Variants in SNED1 observed in about 807,000 individuals in gnomAD.
SNED1 encodes sushi, nidogen and EGF like domains 1.
A neutral mutation model predicts 166.7 loss-of-function variants in SNED1; 81 were observed. The observed-to-expected ratio is 0.49, with a 90% CI of 0.41 to 0.58. SNED1 has a LOEUF of 0.58. SNED1 is among the 20% of genes least tolerant of loss of function. The pLI is 0.00. For synonymous variants in SNED1, 762 were observed against 822.0 expected, an observed-to-expected ratio of 0.93 and a Z score of 1.25; for missense variants, 1,604 against 2,000.2, an observed-to-expected ratio of 0.80 and a Z score of 3.78.
At chr2:241,077,015 C>A (rs1319792157) in intron 27 of SNED1, among the ~76,000 whole-genome samples, 7 of 151,102 alleles carry the variant, frequency 4.6e-5, no homozygotes, top group Non-Finnish European at 1.5e-5. Context: ...GGAGGTGGAG[C>A]TTGCAGTGAG....
In SNED1 at chr2:241,002,984, G is replaced by A. The variant is rs78938833; in HGVS notation, c.213+3934G>A. On this transcript the variant is annotated intron_variant, in intron 1 of 31. Transcript: ENST00000310397. Reference sequence around the variant, plus strand: ...TGGACACCTGCAGCACCCCCTTGCTGACCTCCAGCTCTTGGCCTTTCCCTC... The same window carrying A: ...TGGACACCTGCAGCACCCCCTTGCTAACCTCCAGCTCTTGGCCTTTCCCTC... Among the ~76,000 whole-genome samples, 1,430 of 152,020 alleles carry A rather than the reference G, an allele frequency of 9.4e-3. 11 individuals carry two copies. Among genetic ancestry groups the A allele is most frequent in the African/African-American group, 0.025 (1,052 of 41,482 alleles).
Position 241,069,090 on chromosome 2 carries a change from G to C in SNED1, c.3307+67G>C. 9.1e-7 allele frequency: 1 copy of C among 1,101,274 alleles called. No individual in the cohort carries two copies. The highest frequency in any genetic ancestry group is 1.5e-5 in the South Asian group (1 of 68,346). The allele number at this position is 1,101,274 out of a possible 1,614,324, so 68.2% of individuals were successfully genotyped here. A position where few individuals can be genotyped will look rare whatever the true frequency, so the allele number is the denominator to read the frequency against. ...TTCTAGAAGCTCTGGCTTCCTTCCA[G>C]CCTCCCCTAGTCCTCTCCAAAGCGT... On this transcript the variant is annotated intron_variant, in intron 23 of 31. Coordinates refer to ENST00000310397, the MANE Select transcript of SNED1 (RefSeq NM_001080437.3). This position sits in a 1 kb window ranked among gnomAD's most constrained non-coding sequence, Gnocchi z 4.9.
At chr2:241,032,490 G>C (rs949283034) in intron 2 of SNED1, among the ~76,000 whole-genome samples, 1 of 150,552 alleles carries the variant, frequency 6.6e-6, no homozygotes, top group African/African-American at 2.4e-5. Flanking sequence ...GTCGTGGGGT[G>C]GGGGGGTCGG....
chr2:241,008,669 G>C (rs2060295302), intron 1 of SNED1, among the ~76,000 whole-genome samples: 1 of 152,260 alleles, frequency 6.6e-6, no homozygotes, highest in Non-Finnish European at 1.5e-5. Flanking sequence ...AGCAGGGCAA[G>C]TCATTCATTC....
intron 1 of SNED1, among the ~76,000 whole-genome samples, chr2:241,026,395 C>G (rs908744515): frequency 4.6e-5 from 7 of 152,198 alleles, no homozygotes; most frequent in Non-Finnish European, 7.3e-5. Context: ...CTGGAAAATT[C>G]TCACCATTGT....
chr2:241,020,054 A>G (rs1220425335), intron 1 of SNED1, among the ~76,000 whole-genome samples: 1 of 152,202 alleles, frequency 6.6e-6, no homozygotes, highest in Non-Finnish European at 1.5e-5. Context: ...CTGTTTGTGT[A>G]TGACCTGTGA....
upstream of SNED1, among the ~76,000 whole-genome samples, chr2:240,997,923 AG>A (rs2059964232): frequency 6.6e-6 from 1 of 152,178 alleles, no homozygotes; most frequent in Admixed American, 6.5e-5. Flanking sequence ...GGCAGGCCAC[AG>A]GGTGGGGACC....
At chr2:241,059,343 T>C (rs1211365496) in intron 16 of SNED1, among the ~76,000 whole-genome samples, 1 of 152,234 alleles carries the variant, frequency 6.6e-6, no homozygotes, top group African/African-American at 2.4e-5. Flanking sequence ...GTACAACCTC[T>C]TTTAGAAAGA....
chr2:241,059,589 A>C (rs1436714885), intron 16 of SNED1, among the ~76,000 whole-genome samples: 1 of 152,232 alleles, frequency 6.6e-6, no homozygotes, highest in Non-Finnish European at 1.5e-5. Context: ...TACAGTCATG[A>C]CCAAGTGGGA....
rs1470947992 is a variant in SNED1, at chr2:241,064,092, C to G, written c.2566C>G (p.Pro856Ala). Reference protein sequence around the residue: ...SGGGAYLCVCPESFFGYHCET... With the variant: ...SGGGAYLCVCAESFFGYHCET... The stretch of plus-strand genomic sequence containing the variant: ...CGGCGGGGCCTACCTGTGCGTCTGC[C>G]CAGAGAGCTTCTTCGGCTACCACTG... The change falls in exon 19 of 32, where the codon CCA becomes GCA. Residue 856 changes from proline (P) to alanine (A), a missense_variant. By Grantham distance (27) the Pro-to-Ala change is conservative (BLOSUM62 -1). This residue lies in a region of SNED1 where 1,237 missense variants were observed against 1,620.8 expected (regional missense o/e 0.76). Coordinates refer to ENST00000310397, the MANE Select transcript of SNED1 (RefSeq NM_001080437.3). The surrounding 1 kb of genome is among the most constrained non-coding windows in gnomAD (Gnocchi z 7.0). 1 of 1,568,992 alleles carries G rather than the reference C, an allele frequency of 6.4e-7. No individual in the cohort carries two copies. Among genetic ancestry groups the G allele is most frequent in the Admixed American group, 1.9e-5 (1 of 53,802 alleles).
intron 6 of SNED1, 82 bp downstream of exon 6, chr2:241,037,435 G>C (rs1164461388): frequency 2.1e-5 from 20 of 970,676 alleles, no homozygotes; most frequent in Non-Finnish European, 2.9e-5. Context: ...CTGAGGTCTT[G>C]GAAGGTCCAG....
intron 1 of SNED1, among the ~76,000 whole-genome samples, chr2:241,016,826 G>A (rs2060607521): frequency 6.7e-6 from 1 of 149,436 alleles, no homozygotes; most frequent in African/African-American, 2.5e-5. Context: ...ACTTACATTT[G>A]ATAAGTTGCA....
chr2:241,016,850 C>CTTTTT (rs5839783), intron 1 of SNED1, among the ~76,000 whole-genome samples: 13 of 125,808 alleles, frequency 1.0e-4, no homozygotes, highest in South Asian at 2.5e-4. Flanking sequence ...TTCTTTCTTT[C>CTTTTT]TTTTTTTTTT....
chr2:241,065,399 T>C lies in SNED1; in HGVS notation c.2814T>C (p.Leu938=), dbSNP rs1428988207. The C allele has an allele frequency of 1.2e-6, 2 of 1,613,172 alleles. No individual in the cohort carries two copies. ...PPNGPAARQM[L]DGYAVTYVSS... ...ATGGTCCAGCCGCCAGGCAGATGCT[T>C]GATGGCTACGCGGTCACCTACGTCT... Residue 938 remains leucine, a synonymous_variant, in exon 21 of 32, where the codon CTT becomes CTC. Coordinates refer to ENST00000310397, the MANE Select transcript of SNED1 (RefSeq NM_001080437.3).
chr2:241,072,012 C>T (rs1204966220), intron 26 of SNED1, 134 bp downstream of exon 26: 12 of 827,866 alleles, frequency 1.4e-5, no homozygotes, highest in South Asian at 4.3e-5. Context: ...ACCCCCACCC[C>T]GACTGTGCAC....
Position 241,040,361 on chromosome 2 carries a change from G to T in SNED1, c.1221G>T (p.Gly407=), listed in dbSNP as rs59269476. The change falls in exon 8 of 32, where the codon GGG becomes GGT. Residue 407 remains glycine (G), a synonymous_variant. Coordinates refer to ENST00000310397, the MANE Select transcript of SNED1 (RefSeq NM_001080437.3). ...GAGGCTCTTGTGTTGACCTAGTGGG[G>T]AATTACACCTGCTTGTGTGCCGAGC... ...LNGGSCVDLV[G]NYTCLCAEPF... 2.1e-3 allele frequency: 3,307 copies of T among 1,609,118 alleles called. 57 individuals are homozygous for T. In the African/African-American group the frequency reaches 0.038, roughly 19 times the overall value.
At chr2:241,078,344 C>T (rs542476500) in intron 27 of SNED1, among the ~76,000 whole-genome samples, 2 of 145,462 alleles carry the variant, frequency 1.4e-5, no homozygotes, top group South Asian at 2.1e-4. Context: ...GATCGCGCCA[C>T]TGCACTGCAG....
intron 6 of SNED1, 86 bp downstream of exon 6, chr2:241,037,439 G>A: frequency 2.1e-6 from 2 of 942,278 alleles, no homozygotes; most frequent in Non-Finnish European, 3.3e-6. Context: ...GGTCTTGGAA[G>A]GTCCAGCAGC....
At chr2:241,033,981 C>G (rs2061265638) in intron 3 of SNED1, 106 bp downstream of exon 3, 1 of 1,337,928 alleles carries the variant, frequency 7.5e-7, no homozygotes, top group Non-Finnish European at 1.0e-6. Flanking sequence ...GCAGATCCCC[C>G]AGTACCGTGC....
Sources: allele counts gnomAD v4.1 joint callset (sites outside exome capture counted in the v4.1 genomes callset), GRCh38; gene constraint gnomAD v4.1.1; regional missense constraint gnomAD v4.1.1; non-coding constraint Gnocchi (gnomAD v3.1); transcripts MANE v1.5; gene names NCBI Gene and HGNC (gene_info 2026-07-23, HGNC 2026-07-21).